CNBP: variants seen among roughly 807,000 people sequenced by gnomAD.
The protein encoded by CNBP is cellular nucleic acid-binding protein.
In CNBP, 6 loss-of-function variants were observed where a neutral mutation model predicts 21.2. The observed-to-expected ratio is 0.28, with a 90% confidence interval of 0.16 to 0.56. CNBP has a LOEUF of 0.56. CNBP is among the 20% of genes least tolerant of loss of function. CNBP has a pLI of 0.93. For synonymous variants in CNBP, 61 were observed against 74.9 expected, an observed-to-expected ratio of 0.81 and a Z score of 0.96; for missense variants, 112 against 233.1, an observed-to-expected ratio of 0.48 and a Z score of 3.38.
chr3:129,183,442 G>C (rs1483983685), intron 1 of CNBP, among the ~76,000 whole-genome samples: 1 of 152,148 alleles, frequency 6.6e-6, no homozygotes, highest in Admixed American at 6.5e-5. Context: ...CGCGACCCTC[G>C]AAGCGTCAGG....
At chr3:129,177,363 T>C (rs1560039026) in intron 1 of CNBP, among the ~76,000 whole-genome samples, 1 of 152,196 alleles carries the variant, frequency 6.6e-6, no homozygotes, top group Non-Finnish European at 1.5e-5. Flanking sequence ...CCTGGGTTAA[T>C]CACTTAACCC....
chr3:129,179,948 G>C (rs910567620), intron 1 of CNBP, among the ~76,000 whole-genome samples: 1 of 152,192 alleles, frequency 6.6e-6, no homozygotes, highest in African/African-American at 2.4e-5. Context: ...AGAGGTTGCA[G>C]TGAGCTGAGA....
chr3:129,173,128 A>C (rs1472143766), intron 1 of CNBP, among the ~76,000 whole-genome samples: 1 of 152,224 alleles, frequency 6.6e-6, no homozygotes, highest in Non-Finnish European at 1.5e-5. Flanking sequence ...TATTCAGTGG[A>C]AAAGTTGCAT....
Position 129,170,130 on chromosome 3 carries a change from G to T in CNBP, c.*323C>A. On this transcript the variant is annotated 3_prime_UTR_variant, in exon 5 of 5. Coordinates refer to ENST00000422453, the MANE Select transcript of CNBP (RefSeq NM_003418.5). ...AGAATTGGTTTTACCTCCTACATGG[G>T]AACATGTTCAAGGAACCCAGGACGG... 1 of 309,216 alleles carries T rather than the reference G, an allele frequency of 3.2e-6. No homozygotes were observed. 19.2% of individuals were successfully genotyped at this position (309,216 alleles called of 1,614,324 possible). A position where few individuals can be genotyped will look rare whatever the true frequency, so the allele number is the denominator to read the frequency against.
At position 129,169,414 on chromosome 3, in the gene CNBP, T is replaced by A. The variant is rs1182553447; in HGVS notation, c.*1039A>T. ...TGCAAAAGTATCTAAATCCCATACATCCTTTTAACAGCAATTTTCATTATT... is the reference window on the plus strand; with the variant it reads ...TGCAAAAGTATCTAAATCCCATACAACCTTTTAACAGCAATTTTCATTATT... On this transcript the variant is annotated 3_prime_UTR_variant, in exon 5 of 5. Coordinates refer to ENST00000422453, the MANE Select transcript of CNBP (RefSeq NM_003418.5). 1 of 193,768 alleles carries A rather than the reference T, an allele frequency of 5.2e-6. No individual in the cohort carries two copies. Among genetic ancestry groups the A allele is most frequent in the Non-Finnish European group, 1.1e-5 (1 of 93,024 alleles). The allele number at this position is 193,768 out of a possible 1,614,324, so 12.0% of individuals were successfully genotyped here.
chr3:129,172,044 G>A (rs1235499370), intron 1 of CNBP, among the ~76,000 whole-genome samples: 3 of 151,902 alleles, frequency 2.0e-5, no homozygotes, highest in South Asian at 2.1e-4. Flanking sequence ...AGTGGCAGGC[G>A]CCTGTAATCC....
intron 2 of CNBP, 42 bp downstream of exon 2, chr3:129,171,589 TAAC>T (rs1220210269): frequency 6.2e-7 from 1 of 1,614,120 alleles, no homozygotes; most frequent in Admixed American, 1.7e-5. Context: ...GTCTTGATAC[TAAC>T]AAATACTGAA....
At chr3:129,181,379 C>A (rs1482207715) in intron 1 of CNBP, among the ~76,000 whole-genome samples, 1 of 151,282 alleles carries the variant, frequency 6.6e-6, no homozygotes, top group East Asian at 1.9e-4. Context: ...CCTGGCCAGG[C>A]GCGGTGGCTC....
chr3:129,170,607 A>G (rs1307539234), intron 4 of CNBP, 37 bp from the exon 5 acceptor site: 3 of 1,536,366 alleles, frequency 2.0e-6, no homozygotes, highest in Non-Finnish European at 2.7e-6. Flanking sequence ...AATGGGCCTC[A>G]GAAAAAAACT....
chr3:129,171,850 A>G (rs1937575109), intron 1 of CNBP, 79 bp from the exon 2 acceptor site: 7 of 1,436,464 alleles, frequency 4.9e-6, no homozygotes, highest in Non-Finnish European at 4.7e-6. Context: ...GTATTTTTGG[A>G]AAATTATTCT....
chr3:129,176,643 A>C (rs1336503932), intron 1 of CNBP, among the ~76,000 whole-genome samples: 1 of 152,220 alleles, frequency 6.6e-6, no homozygotes, highest in Non-Finnish European at 1.5e-5. Context: ...CCATTAATTT[A>C]AAGTAATGAT....
rs561404123 is a variant in CNBP, at chr3:129,182,344, G to A, written c.-15+1432C>T. ...TCTCACCTGAGTCCTTCTGAATAATGCCTGAAACACACTAGCTAAAATCAC... is the reference window on the plus strand; with the variant it reads ...TCTCACCTGAGTCCTTCTGAATAATACCTGAAACACACTAGCTAAAATCAC... On this transcript the variant is annotated intron_variant, in intron 1 of 4. Coordinates refer to ENST00000422453, the MANE Select transcript of CNBP (RefSeq NM_003418.5). Among the ~76,000 whole-genome samples, 111 of 152,182 alleles carry A rather than the reference G, an allele frequency of 7.3e-4. 1 individual carries two copies. Among genetic ancestry groups the A allele is most frequent in the Non-Finnish European group, 1.3e-3 (88 of 68,000 alleles).
chr3:129,180,124 A>T (rs1938197468), intron 1 of CNBP, among the ~76,000 whole-genome samples: 1 of 152,232 alleles, frequency 6.6e-6, no homozygotes, highest in South Asian at 2.1e-4. Flanking sequence ...ATACCAATTC[A>T]ATCTCTACTT....
In CNBP at chr3:129,170,127, T is replaced by A; in HGVS notation, c.*326A>T. ...TCCAGAATTGGTTTTACCTCCTACA[T>A]GGGAACATGTTCAAGGAACCCAGGA... is the stretch of plus-strand genomic sequence containing the variant. On this transcript the variant is annotated 3_prime_UTR_variant, in exon 5 of 5. Coordinates refer to ENST00000422453, the MANE Select transcript of CNBP (RefSeq NM_003418.5). The A allele has an allele frequency of 3.2e-6, 1 of 309,068 alleles. No individual in the cohort carries two copies. 19.1% of individuals were successfully genotyped at this position (309,068 alleles called of 1,614,324 possible). A position where few individuals can be genotyped will look rare whatever the true frequency, so the allele number is the denominator to read the frequency against.
chr3:129,182,975 G>A (rs1938413589), intron 1 of CNBP, among the ~76,000 whole-genome samples: 1 of 151,660 alleles, frequency 6.6e-6, no homozygotes, highest in East Asian at 1.9e-4. Context: ...TTTTTAAGAC[G>A]GAGTCTCTCT....
At chr3:129,173,958 G>C (rs953515521) in intron 1 of CNBP, among the ~76,000 whole-genome samples, 1 of 152,164 alleles carries the variant, frequency 6.6e-6, no homozygotes, top group African/African-American at 2.4e-5. Context: ...TCATTAACTT[G>C]TGGACAAATT....
At chr3:129,178,175 A>AT (rs1164868080) in intron 1 of CNBP, among the ~76,000 whole-genome samples, 4 of 151,470 alleles carry the variant, frequency 2.6e-5, no homozygotes, top group African/African-American at 4.8e-5. Flanking sequence ...AAAAAAAAAA[A>AT]AAAATAAGGT....
At chr3:129,178,882 A>G (rs1170968011) in intron 1 of CNBP, among the ~76,000 whole-genome samples, 1 of 151,960 alleles carries the variant, frequency 6.6e-6, no homozygotes, top group Non-Finnish European at 1.5e-5. Context: ...AGCTGGGACT[A>G]CAGGTGCCCA....
chr3:129,180,151 G>T (rs915047971), intron 1 of CNBP, among the ~76,000 whole-genome samples: 1 of 151,638 alleles, frequency 6.6e-6, no homozygotes, highest in Admixed American at 6.6e-5. Flanking sequence ...ATTACATAAA[G>T]GTATTACTAC....
Sources: allele counts gnomAD v4.1 joint callset (sites outside exome capture counted in the v4.1 genomes callset), GRCh38; gene constraint gnomAD v4.1.1; transcripts MANE v1.5; gene names NCBI Gene and HGNC (gene_info 2026-07-23, HGNC 2026-07-21).